The following STPG2 variants were observed in gnomAD, a reference collection of about 807,000 sequenced individuals.
STPG2 encodes sperm-tail PG-rich repeat-containing protein 2.
A neutral mutation model predicts 54.2 loss-of-function variants in STPG2; 56 were observed. The observed-to-expected ratio is 1.03, with a 90% CI of 0.83 to 1.29. The LOEUF (loss-of-function observed/expected upper bound fraction) is 1.29, where lower values mean the gene tolerates loss of function less well. Among genes scored for constraint, STPG2 ranks in the 50% most tolerant of loss-of-function variants. STPG2 has a pLI of 0.00. For missense variants in STPG2, 596 were observed against 544.9 expected, an observed-to-expected ratio of 1.09 and a Z score of -0.93; for synonymous variants, 200 against 181.8, an observed-to-expected ratio of 1.10 and a Z score of -0.81.
Position 97,738,698 on chromosome 4 carries a change from C to T in STPG2, c.1205-25884G>A, listed in dbSNP as rs1186282703. On this transcript the variant is annotated intron_variant, in intron 9 of 10. Coordinates refer to ENST00000295268, the MANE Select transcript of STPG2 (RefSeq NM_174952.3). ...ATATATGCACCCAATACAGGAGCAC[C>T]CAGATTCATAAAGCAAGTCCTGAGT... 8.8e-4 allele frequency among the ~76,000 whole-genome samples: 133 copies of T among 151,962 alleles called. 1 individual carries two copies. Among genetic ancestry groups the T allele is most frequent in the Non-Finnish European group, 5.7e-4 (39 of 68,006 alleles).
chr4:97,456,876 C>G (rs1475908462), intron 4 of STPG2, among the ~76,000 whole-genome samples: 3 of 98,388 alleles, frequency 3.0e-5, no homozygotes, highest in Non-Finnish European at 5.0e-5. Flanking sequence ...GCCTGGGTAA[C>G]AGAGTGCTCC....
intron 8 of STPG2, among the ~76,000 whole-genome samples, chr4:97,880,146 TTA>T (rs1482347203): frequency 6.6e-6 from 1 of 152,162 alleles, no homozygotes; most frequent in African/African-American, 2.4e-5. Context: ...CTGTCATTCA[TTA>T]TAACACAGAT....
chr4:97,499,991 A>AC (rs1730690170), intron 4 of STPG2, among the ~76,000 whole-genome samples: 1 of 152,034 alleles, frequency 6.6e-6, no homozygotes, highest in African/African-American at 2.4e-5. Context: ...AAGTGAAGCC[A>AC]TGGAGAGTTT....
At chr4:97,572,467 G>A (rs1732624607) in intron 10 of STPG2, among the ~76,000 whole-genome samples, 1 of 152,050 alleles carries the variant, frequency 6.6e-6, no homozygotes, top group Non-Finnish European at 1.5e-5. Context: ...AACAGTTTTT[G>A]AAATCTCTAA....
At chr4:97,672,937 T>C (rs1234246910) in intron 10 of STPG2, among the ~76,000 whole-genome samples, 2 of 152,236 alleles carry the variant, frequency 1.3e-5, no homozygotes, top group Non-Finnish European at 2.9e-5. Flanking sequence ...TTTTAGAACT[T>C]CCCCAGTTCC....
intron 2 of STPG2, among the ~76,000 whole-genome samples, chr4:98,132,470 A>C (rs1026514383): frequency 2.0e-5 from 3 of 152,046 alleles, no homozygotes; most frequent in African/African-American, 7.2e-5. Flanking sequence ...TCTGGTCTCT[A>C]ATACTTTTCT....
chr4:97,567,625 T>C (rs910692098), intron 10 of STPG2, among the ~76,000 whole-genome samples: 1 of 151,896 alleles, frequency 6.6e-6, no homozygotes, highest in Non-Finnish European at 1.5e-5. Flanking sequence ...AAATAAACTA[T>C]GCTGGATTTA....
intron 4 of STPG2, chr4:97,441,390 A>T (rs1006129202): frequency 2.0e-5 from 3 of 152,030 alleles, no homozygotes; most frequent in Non-Finnish European, 2.9e-5. Context: ...ATTATATAAG[A>T]ACGTATTTTT....
chr4:97,500,589 G>A (rs1006875176), intron 4 of STPG2, among the ~76,000 whole-genome samples: 17 of 152,046 alleles, frequency 1.1e-4, no homozygotes, highest in African/African-American at 4.1e-4. Context: ...GAGCATTACA[G>A]CTTTAATAAG....
At chr4:98,118,121 C>T (rs1054823860) in intron 3 of STPG2, among the ~76,000 whole-genome samples, 12 of 152,138 alleles carry the variant, frequency 7.9e-5, no homozygotes, top group Admixed American at 7.2e-4. Flanking sequence ...TCTTTGTACA[C>T]TGAAATCTCA....
At chr4:97,778,115 C>G (rs759550598) in intron 9 of STPG2, among the ~76,000 whole-genome samples, 3 of 152,134 alleles carry the variant, frequency 2.0e-5, no homozygotes, top group Non-Finnish European at 2.9e-5. Context: ...CAGGGTGAGG[C>G]ATCGACTCAC....
chr4:97,491,614 A>C (rs1003973309), intron 4 of STPG2, among the ~76,000 whole-genome samples: 6 of 151,560 alleles, frequency 4.0e-5, no homozygotes, highest in African/African-American at 1.4e-4. Flanking sequence ...GAGAATGCTT[A>C]GCATGAAAGC....
At chr4:97,951,122 T>C (rs1413791287) in intron 7 of STPG2, among the ~76,000 whole-genome samples, 2 of 152,194 alleles carry the variant, frequency 1.3e-5, no homozygotes, top group Non-Finnish European at 2.9e-5. Flanking sequence ...TGACTCCCTA[T>C]GATTTCATCT....
chr4:97,692,121 A>G (rs1282476313), intron 10 of STPG2, among the ~76,000 whole-genome samples: 1 of 152,124 alleles, frequency 6.6e-6, no homozygotes, highest in East Asian at 1.9e-4. Context: ...TGACAAAACA[A>G]GGTTCCTTAA....
intron 8 of STPG2, among the ~76,000 whole-genome samples, chr4:97,844,596 G>A (rs1005769733): frequency 6.6e-6 from 1 of 151,866 alleles, no homozygotes; most frequent in African/African-American, 2.4e-5. Context: ...CTTTCAAGAT[G>A]TCACCTTTGT....
At chr4:97,718,140 C>T in intron 9 of STPG2, among the ~76,000 whole-genome samples, 1 of 152,008 alleles carries the variant, frequency 6.6e-6, no homozygotes, top group Non-Finnish European at 1.5e-5. Context: ...ATACTTATCT[C>T]TGGGAATATT....
chr4:97,803,674 G>A (rs1727465335), intron 9 of STPG2, among the ~76,000 whole-genome samples: 1 of 152,154 alleles, frequency 6.6e-6, no homozygotes, highest in African/African-American at 2.4e-5. Context: ...CCGAGTAGCT[G>A]GGACTACAAG....
intron 5 of STPG2, among the ~76,000 whole-genome samples, chr4:98,026,975 C>A (rs776651331): frequency 4.6e-5 from 7 of 152,096 alleles, no homozygotes; most frequent in African/African-American, 1.7e-4. Context: ...TATCTCTTGC[C>A]TGAATCTTAT....
At chr4:97,960,543 T>C (rs544294819) in intron 7 of STPG2, among the ~76,000 whole-genome samples, 1 of 152,262 alleles carries the variant, frequency 6.6e-6, no homozygotes, top group African/African-American at 2.4e-5. Context: ...GTAGCTCTTC[T>C]ATATACCAAC....
Sources: allele counts gnomAD v4.1 joint callset (sites outside exome capture counted in the v4.1 genomes callset), GRCh38; gene constraint gnomAD v4.1.1; transcripts MANE v1.5; gene names NCBI Gene and HGNC (gene_info 2026-07-23, HGNC 2026-07-21).